Variants in ITGA9 observed in about 807,000 individuals in gnomAD.
ITGA9 encodes integrin subunit alpha 9, also known as integrin alpha-9.
ITGA9 carries 56 observed loss-of-function variants against 127.8 expected under a neutral mutation model. The observed-to-expected ratio is 0.44, with a 90% CI of 0.35 to 0.55. The LOEUF (loss-of-function observed/expected upper bound fraction) is 0.55. Ranked by LOEUF, ITGA9 falls within the 20% of genes least tolerant of loss-of-function variation. The pLI, the probability that ITGA9 is intolerant of heterozygous loss-of-function variation, is 0.00. For missense variants in ITGA9, 1,196 were observed against 1,347.1 expected, an observed-to-expected ratio of 0.89 and a Z score of 1.76; for synonymous variants, 508 against 514.5, an observed-to-expected ratio of 0.99 and a Z score of 0.17.
chr3:37,543,434 A>G (rs1699296195), intron 15 of ITGA9, among the ~76,000 whole-genome samples: 1 of 152,230 alleles, frequency 6.6e-6, no homozygotes. Flanking sequence ...CATCTCTAAA[A>G]TGGACACAGT....
intron 15 of ITGA9, among the ~76,000 whole-genome samples, chr3:37,615,591 G>C (rs1344001008): frequency 6.6e-6 from 1 of 152,184 alleles, no homozygotes; most frequent in Non-Finnish European, 1.5e-5. Flanking sequence ...GAATCCATCT[G>C]GTCCTGGATG....
intron 22 of ITGA9, chr3:37,748,454 A>G (rs1004773229): frequency 1.7e-6 from 1 of 587,388 alleles, no homozygotes. Flanking sequence ...AATGATCAGA[A>G]AAAGAAGGAA....
At chr3:37,623,894 A>G (rs4678980) in intron 15 of ITGA9, among the ~76,000 whole-genome samples, 2 of 152,060 alleles carry the variant, frequency 1.3e-5, no homozygotes, top group Admixed American at 6.5e-5. Flanking sequence ...AGGAAAAGGC[A>G]TCCCACTTCT....
intron 26 of ITGA9, among the ~76,000 whole-genome samples, chr3:37,791,221 C>G (rs1206019432): frequency 6.6e-6 from 1 of 152,214 alleles, no homozygotes; most frequent in Non-Finnish European, 1.5e-5. Flanking sequence ...TCCCCTCAAA[C>G]TCCCGTCTCA....
At chr3:37,672,441 C>T (rs1485828796) in intron 17 of ITGA9, among the ~76,000 whole-genome samples, 3 of 152,184 alleles carry the variant, frequency 2.0e-5, no homozygotes, top group African/African-American at 4.8e-5. Context: ...ATTCACCTTC[C>T]GCCATGGTTG....
intron 17 of ITGA9, among the ~76,000 whole-genome samples, chr3:37,670,289 C>T (rs1700625269): frequency 6.6e-6 from 1 of 152,092 alleles, no homozygotes; most frequent in Non-Finnish European, 1.5e-5. Context: ...TCAGAAACAC[C>T]ATGCTCACCT....
chr3:37,777,410 A>G lies in ITGA9; in HGVS notation c.2560A>G (p.Asn854Asp), dbSNP rs755278317. ...TTTGCAGGTGGGCCAAGAGAAGGGA[A>G]ACTGCTCTTTCCAGAAAAACCCAAC... ...QEMVVGQEKGNCSFQKNPTPC... is the reference protein window; with the variant it reads ...QEMVVGQEKGDCSFQKNPTPC... Residue 854 changes from asparagine (N) to aspartate (D), a missense_variant, in exon 24 of 28, where the codon AAC (asparagine) becomes GAC (aspartate). By Grantham distance (23) the Asn-to-Asp change is conservative. Transcript: ENST00000264741. The G allele has an allele frequency of 1.2e-5, 20 of 1,613,922 alleles. No homozygotes were observed. Among genetic ancestry groups the G allele is most frequent in the South Asian group, 1.1e-4 (10 of 91,090 alleles).
chr3:37,486,497 T>G (rs892235736), intron 4 of ITGA9, among the ~76,000 whole-genome samples: 11 of 152,170 alleles, frequency 7.2e-5, no homozygotes, highest in African/African-American at 2.7e-4. Context: ...CAGTCGAGAG[T>G]GAATGCTGCT....
At chr3:37,523,731 A>G (rs1465240392) in intron 12 of ITGA9, 120 bp downstream of exon 12, 1 of 779,350 alleles carries the variant, frequency 1.3e-6, no homozygotes. Context: ...TTCACACAAT[A>G]GAATAGGGTG....
intron 18 of ITGA9, among the ~76,000 whole-genome samples, chr3:37,701,369 A>G (rs1700943538): frequency 6.6e-6 from 1 of 152,206 alleles, no homozygotes; most frequent in Non-Finnish European, 1.5e-5. Flanking sequence ...AGGTGAAGAT[A>G]GGGGGATATA....
intron 22 of ITGA9, chr3:37,748,727 G>A (rs184577657): frequency 1.4e-4 from 79 of 569,196 alleles, no homozygotes; most frequent in African/African-American, 6.4e-4. Flanking sequence ...CAGCCTGGGC[G>A]ACAGAGCAAG....
chr3:37,719,227 T>C (rs1173415059), intron 18 of ITGA9, among the ~76,000 whole-genome samples: 1 of 152,126 alleles, frequency 6.6e-6, no homozygotes, highest in Non-Finnish European at 1.5e-5. Flanking sequence ...AGGATCATCC[T>C]AGAAGTGGAT....
intron 27 of ITGA9, chr3:37,808,135 C>T (rs1697321004): frequency 6.6e-6 from 1 of 152,214 alleles, no homozygotes; most frequent in African/African-American, 2.4e-5. Context: ...CCAGCTTTCT[C>T]TATGTTTCCC....
intron 18 of ITGA9, among the ~76,000 whole-genome samples, chr3:37,713,592 G>C (rs939652): frequency 0.1 from 15,167 of 152,204 alleles, 895 homozygotes; most frequent in East Asian, 0.12. Flanking sequence ...AGCTGGGGAG[G>C]GGGTGCGGGA....
chr3:37,471,930 T>C (rs1334370181), intron 2 of ITGA9, among the ~76,000 whole-genome samples: 1 of 152,142 alleles, frequency 6.6e-6, no homozygotes, highest in African/African-American at 2.4e-5. Flanking sequence ...GATGCATGCC[T>C]GTAGTCCCAG....
intron 18 of ITGA9, among the ~76,000 whole-genome samples, chr3:37,714,342 G>A (rs1701111260): frequency 6.6e-6 from 1 of 152,188 alleles, no homozygotes; most frequent in Non-Finnish European, 1.5e-5. Context: ...CCATTCTTAA[G>A]TTTTCTAGCC....
intron 18 of ITGA9, among the ~76,000 whole-genome samples, chr3:37,706,400 A>G (rs906688815): frequency 1.3e-5 from 2 of 152,196 alleles, no homozygotes; most frequent in Non-Finnish European, 2.9e-5. Flanking sequence ...GTCAGTTGCA[A>G]CGCCTGAAAC....
chr3:37,650,946 C>T (rs1700423678), intron 16 of ITGA9, among the ~76,000 whole-genome samples: 1 of 152,264 alleles, frequency 6.6e-6, no homozygotes, highest in African/African-American at 2.4e-5. Context: ...AATGAGGAAA[C>T]TGAGTCCTGG....
chr3:37,795,056 G>A (rs1442263302), intron 26 of ITGA9, among the ~76,000 whole-genome samples: 1 of 152,112 alleles, frequency 6.6e-6, no homozygotes, highest in East Asian at 1.9e-4. Context: ...AGAATCGGGT[G>A]GAAATGTCAT....
Sources: allele counts gnomAD v4.1 joint callset (sites outside exome capture counted in the v4.1 genomes callset), GRCh38; gene constraint gnomAD v4.1.1; transcripts MANE v1.5; gene names NCBI Gene and HGNC (gene_info 2026-07-23, HGNC 2026-07-21).